KCTD15: variants seen among roughly 807,000 people sequenced by gnomAD.
The protein encoded by KCTD15 is potassium channel tetramerization domain containing 15, also known as BTB/POZ domain-containing protein KCTD15.
A neutral mutation model predicts 27.2 loss-of-function variants in KCTD15; 11 were observed. That is an observed-to-expected ratio of 0.41 (90% CI 0.25 to 0.67). KCTD15 has a LOEUF of 0.67. KCTD15 is among the 30% of genes least tolerant of loss of function. KCTD15 has a pLI of 0.35. For synonymous variants in KCTD15, 163 were observed against 176.0 expected (o/e 0.93, Z 0.58); for missense variants, 350 against 409.3 (o/e 0.86, Z 1.25).
chr19:33,800,279 T>G, intron 2 of KCTD15, 149 bp from the exon 3 acceptor site: 2 of 644,564 alleles, frequency 3.1e-6, no homozygotes, highest in East Asian at 2.8e-5. Context: ...GATAGAGAGA[T>G]AGTGGCGGTG....
chr19:33,802,851 G>A (rs921721287), intron 4 of KCTD15, among the ~76,000 whole-genome samples: 3 of 152,246 alleles, frequency 2.0e-5, no homozygotes, highest in East Asian at 1.9e-4. Context: ...CCTGAAATCA[G>A]AGAGTTGCCT....
chr19:33,796,239 GA>G (rs1313529751), upstream of KCTD15: 1 of 150,464 alleles, frequency 6.6e-6, no homozygotes, highest in Non-Finnish European at 1.5e-5. Flanking sequence ...CCCGAGCCCG[GA>G]GGAGGCCCGG....
At chr19:33,799,299 A>G (rs985066839) in intron 2 of KCTD15, among the ~76,000 whole-genome samples, 1 of 152,196 alleles carries the variant, frequency 6.6e-6, no homozygotes, top group Non-Finnish European at 1.5e-5. Flanking sequence ...TCAAGGCACA[A>G]ATTTTGATCC....
At position 33,814,460 on chromosome 19, in the gene KCTD15, C is replaced by T. The variant is rs981009078; in HGVS notation, c.*1512C>T. 1 of 152,204 alleles carries T rather than the reference C, an allele frequency of 6.6e-6. No homozygotes were observed. The highest frequency in any genetic ancestry group is 2.4e-5 in the African/African-American group (1 of 41,442). 9.4% of individuals were successfully genotyped at this position (152,204 alleles called of 1,614,324 possible). The stretch of plus-strand genomic sequence containing the variant: ...CTGTCCCCTCAGGGCAGCACAGATT[C>T]TGAATTCTGATTCACAGTCCCTAGC... On this transcript the variant is annotated 3_prime_UTR_variant, in exon 7 of 7. Transcript: ENST00000683859.
At chr19:33,794,155 T>C (rs760961574), upstream of KCTD15, among the ~76,000 whole-genome samples, 2 of 152,246 alleles carry the variant, frequency 1.3e-5, no homozygotes, top group Non-Finnish European at 2.9e-5. Flanking sequence ...CATGGTGAGA[T>C]TTGTCTCTTA....
upstream of KCTD15, chr19:33,796,347 C>G (rs141116709): frequency 1.3e-5 from 2 of 150,222 alleles, no homozygotes; most frequent in Non-Finnish European, 3.0e-5. Flanking sequence ...GCCGCGGCCC[C>G]GGCGGGAAGG....
intron 5 of KCTD15, 56 bp from the exon 6 acceptor site, chr19:33,811,191 T>TTC: frequency 1.6e-6 from 1 of 615,002 alleles, no homozygotes; most frequent in Non-Finnish European, 2.5e-6. Context: ...CTCTCCCCCT[T>TTC]CCCCCACCAC....
At position 33,798,933 on chromosome 19, in the gene KCTD15, C is replaced by G. The variant is rs1045006182; in HGVS notation, c.-28+167C>G. 2.8e-4 allele frequency among the ~76,000 whole-genome samples: 42 copies of G among 152,190 alleles called. 1 individual carries two copies. The highest frequency in any genetic ancestry group is 2.7e-3 in the Admixed American group (42 of 15,282). On this transcript the variant is annotated intron_variant, in intron 2 of 6. Coordinates refer to ENST00000683859, the MANE Select transcript of KCTD15 (RefSeq NM_001129994.2). ...GCAGTCCGCTTTGATAGAATTTCAG[C>G]CAGAATTCCTTCCTGTTCAGTTTAT... is the stretch of plus-strand genomic sequence containing the variant.
chr19:33,795,940 A>T (rs1975306071), upstream of KCTD15: 1 of 151,438 alleles, frequency 6.6e-6, no homozygotes, highest in South Asian at 2.1e-4. Context: ...AGCGGGGCAG[A>T]GACCCTGGGA....
At chr19:33,798,340 A>AC (rs1435888526) in intron 1 of KCTD15, 1 of 152,090 alleles carries the variant, frequency 6.6e-6, no homozygotes, top group African/African-American at 2.4e-5. Context: ...CAGTTTAATC[A>AC]CCCCCAGAGA....
intron 5 of KCTD15, among the ~76,000 whole-genome samples, chr19:33,807,285 G>A (rs1188392516): frequency 6.6e-6 from 1 of 152,226 alleles, no homozygotes; most frequent in Non-Finnish European, 1.5e-5. Flanking sequence ...AGTAGTTAGA[G>A]GTTCATAAAT....
Position 33,814,182 on chromosome 19 carries a change from G to T in KCTD15, c.*1234G>T, listed in dbSNP as rs565430082. 3.3e-5 allele frequency: 5 copies of T among 152,594 alleles called. No homozygotes were observed. The highest frequency in any genetic ancestry group is 1.2e-4 in the African/African-American group (5 of 41,442). The allele number at this position is 152,594 out of a possible 1,614,324, so 9.5% of individuals were successfully genotyped here. On this transcript the variant is annotated 3_prime_UTR_variant, in exon 7 of 7. Transcript: ENST00000683859. ...GTAAAGATGCTGATGTACAATTGTCGTGCATTTGTGTGAACACATTGCGTT... is the reference window on the plus strand; with the variant it reads ...GTAAAGATGCTGATGTACAATTGTCTTGCATTTGTGTGAACACATTGCGTT...
intron 3 of KCTD15, among the ~76,000 whole-genome samples, chr19:33,800,823 GA>G (rs1975512690): frequency 6.6e-6 from 1 of 152,166 alleles, no homozygotes; most frequent in Non-Finnish European, 1.5e-5. Context: ...TTTGTCAGGG[GA>G]TATTTCACAT....
Position 33,800,627 on chromosome 19 carries a change from G to A in KCTD15, c.66+107G>A, listed in dbSNP as rs904086146. ...TCCTTGGGACCATGACACTCCAGGT[G>A]GCTGTTGACTGGCTGTAGGATTATG... On this transcript the variant is annotated intron_variant, in intron 3 of 6. Coordinates refer to ENST00000683859, the MANE Select transcript of KCTD15 (RefSeq NM_001129994.2). The A allele has an allele frequency of 6.0e-6, 6 of 1,002,248 alleles. No individual in the cohort carries two copies. In the African/African-American group the frequency reaches 9.7e-5, roughly 16 times the overall value. The allele number at this position is 1,002,248 out of a possible 1,614,324, so 62.1% of individuals were successfully genotyped here.
At chr19:33,794,378 C>A (rs1001452312), upstream of KCTD15, among the ~76,000 whole-genome samples, 2 of 152,244 alleles carry the variant, frequency 1.3e-5, no homozygotes, top group Admixed American at 1.3e-4. Context: ...AATACCCATA[C>A]TAATCACATT....
intron 6 of KCTD15, 77 bp downstream of exon 6, chr19:33,811,629 G>A: frequency 6.5e-7 from 1 of 1,540,292 alleles, no homozygotes; most frequent in Non-Finnish European, 8.8e-7. Context: ...GTGAGCTGGA[G>A]GGAGGCGCGA....
At position 33,813,887 on chromosome 19, in the gene KCTD15, A is replaced by T. The variant is rs2145506084; in HGVS notation, c.*939A>T. On this transcript the variant is annotated 3_prime_UTR_variant, in exon 7 of 7. Transcript: ENST00000683859. ...ATGCGAATATGCACAGTTTTAATTC[A>T]CGTTGTTACACTAGCCTGCCGATGA... 6.4e-6 allele frequency: 1 copy of T among 155,076 alleles called. No individual in the cohort carries two copies. The highest frequency in any genetic ancestry group is 1.9e-4 in the East Asian group (1 of 5,224). 9.6% of individuals were successfully genotyped at this position (155,076 alleles called of 1,614,324 possible). A position where few individuals can be genotyped will look rare whatever the true frequency, so the allele number is the denominator to read the frequency against.
At chr19:33,812,767 G>T in intron 6 of KCTD15, 23 bp from the exon 7 acceptor site, 1 of 1,416,320 alleles carries the variant, frequency 7.1e-7, no homozygotes, top group South Asian at 1.6e-5. Flanking sequence ...TGGCCTTGAT[G>T]ACCTCTGTTT....
At chr19:33,800,725 C>T (rs539465503) in intron 3 of KCTD15, among the ~76,000 whole-genome samples, 1 of 152,298 alleles carries the variant, frequency 6.6e-6, no homozygotes, top group Admixed American at 6.5e-5. Context: ...GCCTTAGGTG[C>T]TGAGGAAGTC....
Sources: gnomAD v4.1 joint callset for allele counts (sites outside exome capture counted in the v4.1 genomes callset) on GRCh38, gnomAD v4.1.1 for gene constraint, MANE v1.5 for transcripts, NCBI Gene and HGNC (gene_info 2026-07-23, HGNC 2026-07-21) for gene names.